Variants in PLEKHH2 observed in about 807,000 individuals in gnomAD.
PLEKHH2 encodes pleckstrin homology, MyTH4 and FERM domain containing H2.
PLEKHH2 carries 129 observed loss-of-function variants against 187.9 expected under a neutral mutation model. The observed-to-expected ratio is 0.69, with a 90% CI of 0.59 to 0.79. PLEKHH2 has a LOEUF of 0.79. Among genes scored for constraint, PLEKHH2 ranks in the 30% least tolerant of loss-of-function variants. The pLI is 0.00. For missense variants in PLEKHH2, 2,076 were observed against 1,751.2 expected, an observed-to-expected ratio of 1.19 and a Z score of -3.31; for synonymous variants, 686 against 605.6, an observed-to-expected ratio of 1.13 and a Z score of -1.95.
Position 43,652,638 on chromosome 2 carries a change from C to T in PLEKHH2, c.123+7842C>T, listed in dbSNP as rs185865323. ...TCCCCAACAGGGAGCCCAGCCAGAACACCCAAGGTTAGGTTTTCTGGTTAA... is the reference window on the plus strand; with the variant it reads ...TCCCCAACAGGGAGCCCAGCCAGAATACCCAAGGTTAGGTTTTCTGGTTAA... On this transcript the variant is annotated intron_variant, in intron 2 of 29. Transcript: ENST00000282406. Among the ~76,000 whole-genome samples, 8 of 152,332 alleles carry T rather than the reference C, an allele frequency of 5.3e-5. No homozygotes were observed. In the East Asian group the frequency reaches 1.3e-3, roughly 26 times the overall value.
chr2:43,725,481 A>G (rs1670695237), intron 16 of PLEKHH2, among the ~76,000 whole-genome samples: 1 of 152,074 alleles, frequency 6.6e-6, no homozygotes, highest in African/African-American at 2.4e-5. Context: ...CTGCTCTTTC[A>G]GGCTGCTTGT....
intron 17 of PLEKHH2, among the ~76,000 whole-genome samples, chr2:43,727,342 G>A (rs1670803230): frequency 7.0e-6 from 1 of 142,352 alleles, no homozygotes; most frequent in African/African-American, 2.7e-5. Context: ...AACCCAGGAG[G>A]TAGAGGTTGC....
chr2:43,714,289 TC>T, intron 15 of PLEKHH2, among the ~76,000 whole-genome samples: 1 of 152,302 alleles, frequency 6.6e-6, no homozygotes, highest in East Asian at 1.9e-4. Context: ...ATTCTCCACT[TC>T]CCATTTCACA....
intron 2 of PLEKHH2, among the ~76,000 whole-genome samples, chr2:43,678,071 G>T (rs1163125418): frequency 2.0e-5 from 3 of 151,526 alleles, no homozygotes; most frequent in Non-Finnish European, 4.4e-5. Flanking sequence ...CCTCCCAGAC[G>T]GGGTCGCGGC....
At chr2:43,724,735 C>A (rs1670655661) in intron 16 of PLEKHH2, among the ~76,000 whole-genome samples, 1 of 152,124 alleles carries the variant, frequency 6.6e-6, no homozygotes, top group Non-Finnish European at 1.5e-5. Context: ...TTTCAATAAG[C>A]AGTTTTGAGA....
At chr2:43,707,745 G>GT (rs11297394) in intron 11 of PLEKHH2, among the ~76,000 whole-genome samples, 200 bp downstream of exon 11, 61,578 of 149,226 alleles carry the variant, frequency 0.41, 12,677 homozygotes, top group Middle Eastern at 0.49. Context: ...AAATTATATA[G>GT]TTTTTTTTTT....
At position 43,644,695 on chromosome 2, in the gene PLEKHH2, G is replaced by C. The variant is rs1318299375; in HGVS notation, c.22G>C (p.Glu8Gln). The part of the protein sequence containing the change: MAELSEP[E>Q]GPVDWKERCV... The stretch of plus-strand genomic sequence containing the variant: ...GAATATGGCAGAGCTTTCTGAGCCA[G>C]AGGGACCAGTAGATTGGAAGGAACG... Residue 8 changes from glutamate to glutamine, a missense_variant, in exon 2 of 30, where the codon GAG (glutamate) becomes CAG (glutamine). Transcript: ENST00000282406. The C allele has an allele frequency of 6.2e-7, 1 of 1,602,604 alleles. No homozygotes were observed. Among genetic ancestry groups the C allele is most frequent in the Non-Finnish European group, 8.5e-7 (1 of 1,173,306 alleles).
intron 2 of PLEKHH2, among the ~76,000 whole-genome samples, chr2:43,671,490 AGG>A (rs1435422047): frequency 6.6e-6 from 1 of 151,910 alleles, no homozygotes; most frequent in Non-Finnish European, 1.5e-5. Context: ...GCTATTACAT[AGG>A]TTAGCACCTG....
chr2:43,753,885 A>G, intron 25 of PLEKHH2, 125 bp downstream of exon 25: 1 of 792,570 alleles, frequency 1.3e-6, no homozygotes, highest in Non-Finnish European at 1.8e-6. Context: ...TTAGCACCTT[A>G]AAAATTACAG....
intron 7 of PLEKHH2, 70 bp downstream of exon 7, chr2:43,697,426 C>A: frequency 8.0e-7 from 1 of 1,243,362 alleles, no homozygotes; most frequent in Non-Finnish European, 1.1e-6. Context: ...AAGATTAATC[C>A]AAATATAGCT....
At chr2:43,739,137 C>T (rs975880474) in intron 20 of PLEKHH2, among the ~76,000 whole-genome samples, 5 of 152,142 alleles carry the variant, frequency 3.3e-5, no homozygotes, top group Non-Finnish European at 5.9e-5. Context: ...GTGATCCGCC[C>T]GCTCTGGCCT....
intron 2 of PLEKHH2, among the ~76,000 whole-genome samples, chr2:43,647,078 C>A (rs997214681): frequency 6.6e-6 from 1 of 151,908 alleles, no homozygotes; most frequent in Non-Finnish European, 1.5e-5. Flanking sequence ...ATGAAAATAT[C>A]TAATATTTAT....
At chr2:43,755,868 G>A (rs1221182921) in intron 25 of PLEKHH2, among the ~76,000 whole-genome samples, 5 of 152,222 alleles carry the variant, frequency 3.3e-5, no homozygotes, top group Non-Finnish European at 7.3e-5. Context: ...TAGACAAGAA[G>A]TGGAAACTGC....
intron 3 of PLEKHH2, among the ~76,000 whole-genome samples, chr2:43,686,111 C>T (rs2104448659): frequency 6.6e-6 from 1 of 152,044 alleles, no homozygotes; most frequent in South Asian, 2.1e-4. Flanking sequence ...AGTTCTTCTT[C>T]TTCTTCCTCT....
intron 3 of PLEKHH2, among the ~76,000 whole-genome samples, chr2:43,691,663 A>G (rs1168496653): frequency 6.6e-6 from 1 of 152,188 alleles, no homozygotes; most frequent in Non-Finnish European, 1.5e-5. Context: ...TCACCTGAGT[A>G]ATGTAAAGTA....
intron 2 of PLEKHH2, chr2:43,676,123 C>A (rs74589926): frequency 0.028 from 44,842 of 1,613,928 alleles, 756 homozygotes; most frequent in South Asian, 0.057. Context: ...AACACGAATA[C>A]TTTTACTGAG....
Position 43,700,563 on chromosome 2 carries a change from A to C in PLEKHH2, c.1605A>C (p.Ala535=), listed in dbSNP as rs780704756. ...QEHCDSAKKV[A]YSKPPTPPLH... ...ACTGTGACTCAGCAAAGAAGGTGGC[A>C]TACAGCAAACCTCCAACTCCTCCCC... The change falls in exon 8 of 30, where the codon GCA becomes GCC. Residue 535 remains alanine, a synonymous_variant. Coordinates refer to ENST00000282406, the MANE Select transcript of PLEKHH2 (RefSeq NM_172069.4). 1 of 1,613,072 alleles carries C rather than the reference A, an allele frequency of 6.2e-7. No individual in the cohort carries two copies. The highest frequency in any genetic ancestry group is 8.5e-7 in the Non-Finnish European group (1 of 1,179,954).
chr2:43,758,428 T>A (rs963579870), intron 26 of PLEKHH2, among the ~76,000 whole-genome samples: 5 of 152,182 alleles, frequency 3.3e-5, no homozygotes, highest in Admixed American at 1.3e-4. Context: ...TATTTTTGTA[T>A]TTTTAGTAGA....
In PLEKHH2 at chr2:43,738,334, A is replaced by T. The variant is rs774884134; in HGVS notation, c.2944-7A>T. The T allele has an allele frequency of 3.1e-6, 5 of 1,591,224 alleles. No individual in the cohort carries two copies. Among genetic ancestry groups the T allele is most frequent in the Admixed American group, 1.8e-5 (1 of 56,546 alleles). On this transcript the variant is annotated splice_polypyrimidine_tract_variant and splice_region_variant and intron_variant, in intron 19 of 29. Transcript: ENST00000282406. ...ACCTTGAATATATCTTTTTTTGTTT[A>T]ATTCAGACCTGCCAGCTTTTTATAA... is the stretch of plus-strand genomic sequence containing the variant.
Sources: allele counts gnomAD v4.1 joint callset (sites outside exome capture counted in the v4.1 genomes callset), GRCh38; gene constraint gnomAD v4.1.1; transcripts MANE v1.5; gene names NCBI Gene and HGNC (gene_info 2026-07-23, HGNC 2026-07-21).